The following OR4K1 variants were observed in gnomAD, a reference collection of about 807,000 sequenced individuals.
OR4K1 encodes olfactory receptor 4K1.
Under a neutral mutation model 14.4 loss-of-function variants are expected in OR4K1, and 16 were observed. That is an observed-to-expected ratio of 1.11 (90% CI 0.75 to 1.68). The LOEUF is 1.68. Among genes scored for constraint, OR4K1 ranks in the 40% most tolerant of loss-of-function variants. OR4K1 has a pLI of 0.00. For missense variants in OR4K1, 548 were observed against 376.9 expected (o/e 1.45, Z -3.76); for synonymous variants, 181 against 133.1 (o/e 1.36, Z -2.48).
chr14:19,935,674 A>G lies in OR4K1; in HGVS notation c.8A>G (p.His3Arg), dbSNP rs1230714753. MA[H>R]TNESMVSEFV... Reference sequence around the variant, plus strand: ...TAACTGAATATTGGATACATGGCTCACACAAATGAATCGATGGTGTCTGAG... The same window carrying G: ...TAACTGAATATTGGATACATGGCTCGCACAAATGAATCGATGGTGTCTGAG... The change falls in exon 2 of 2, where the codon CAC (histidine) becomes CGC (arginine). Residue 3 changes from histidine to arginine, a missense_variant. Physicochemically the swap from His to Arg is conservative, Grantham distance 29 (BLOSUM62 0). Transcript: ENST00000641172. The G allele has an allele frequency of 1.9e-6, 3 of 1,593,752 alleles. No homozygotes were observed. The highest frequency in any genetic ancestry group is 2.6e-6 in the Non-Finnish European group (3 of 1,172,700).
At chr14:19,922,780 T>G in the OR4K1 span, among the ~76,000 whole-genome samples, 24 of 152,340 alleles carry the variant, frequency 1.6e-4, no homozygotes, top group East Asian at 4.6e-3. Context: ...TTTCCTGTGC[T>G]GTCTCCCCTG....
chr14:19,934,975 T>C (rs1882272583), intron 1 of OR4K1, among the ~76,000 whole-genome samples: 1 of 152,230 alleles, frequency 6.6e-6, no homozygotes, highest in Non-Finnish European at 1.5e-5. Context: ...GCCTGGCCGC[T>C]TCTTTTGTTT....
At chr14:19,926,513 C>A (rs1214311024), upstream of OR4K1, among the ~76,000 whole-genome samples, 1 of 152,218 alleles carries the variant, frequency 6.6e-6, no homozygotes, top group Non-Finnish European at 1.5e-5. Context: ...GGTGTTGAGT[C>A]CAATACGCTA....
At chr14:19,935,493 ATAT>A in intron 1 of OR4K1, 152 bp from the exon 2 acceptor site, 1 of 606,620 alleles carries the variant, frequency 1.6e-6, no homozygotes, top group Non-Finnish European at 2.7e-6. Context: ...TGGATGTTAA[ATAT>A]TAGTCAACTG....
upstream of OR4K1, among the ~76,000 whole-genome samples, chr14:19,926,303 A>G (rs1358893553): frequency 3.3e-5 from 5 of 152,208 alleles, no homozygotes; most frequent in African/African-American, 1.2e-4. Flanking sequence ...GAACATTTAT[A>G]GTTTGTTCAG....
chr14:19,934,879 G>A (rs1882269698), intron 1 of OR4K1, among the ~76,000 whole-genome samples: 2 of 152,140 alleles, frequency 1.3e-5, no homozygotes, highest in South Asian at 2.1e-4. Flanking sequence ...CACCATGTTG[G>A]TCAGGCTGAT....
upstream of OR4K1, among the ~76,000 whole-genome samples, chr14:19,926,558 A>G (rs1446693119): frequency 6.6e-6 from 1 of 152,286 alleles, no homozygotes; most frequent in Non-Finnish European, 1.5e-5. Context: ...TACATAAAAT[A>G]CACATTATTT....
upstream of OR4K1, among the ~76,000 whole-genome samples, chr14:19,930,422 G>A (rs2138589439): frequency 6.6e-6 from 1 of 152,282 alleles, no homozygotes; most frequent in South Asian, 2.1e-4. Context: ...AATTTATATA[G>A]GGAATAAATG....
upstream of OR4K1, among the ~76,000 whole-genome samples, chr14:19,927,020 A>C: frequency 6.6e-6 from 1 of 152,246 alleles, no homozygotes; most frequent in East Asian, 1.9e-4. Context: ...TATCAGATTT[A>C]TTAAATCATA....
chr14:19,931,560 T>C (rs558492406), intron 1 of OR4K1, among the ~76,000 whole-genome samples: 2 of 152,378 alleles, frequency 1.3e-5, no homozygotes, highest in South Asian at 2.1e-4. Context: ...GTATATCCTT[T>C]ATTGTTTGCT....
Position 19,935,791 on chromosome 14 carries a change from A to G in OR4K1, c.125A>G (p.Asn42Ser), listed in dbSNP as rs1439985840. The G allele has an allele frequency of 6.2e-7, 1 of 1,614,152 alleles. No homozygotes were observed. Among genetic ancestry groups the G allele is most frequent in the East Asian group, 2.2e-5 (1 of 44,886 alleles). Residue 42 changes from asparagine to serine, a missense_variant, in exon 2 of 2, where the codon AAT becomes AGT. By Grantham distance (46) the Asn-to-Ser change is conservative (BLOSUM62 1). Transcript: ENST00000641172. ...SIVYVTSVLG[N>S]VLIIVIISFD... Reference sequence around the variant, plus strand: ...GTCTATGTGACATCAGTGCTAGGCAATGTCTTAATTATTGTCATTATTTCT... The same window carrying G: ...GTCTATGTGACATCAGTGCTAGGCAGTGTCTTAATTATTGTCATTATTTCT...
chr14:19,922,832 C>G, the OR4K1 span, among the ~76,000 whole-genome samples: 1 of 152,166 alleles, frequency 6.6e-6, no homozygotes, highest in Non-Finnish European at 1.5e-5. Context: ...CCCCATCACT[C>G]TATTTTATTT....
upstream of OR4K1, among the ~76,000 whole-genome samples, chr14:19,930,585 T>C (rs926516394): frequency 1.3e-5 from 2 of 152,134 alleles, no homozygotes; most frequent in Non-Finnish European, 2.9e-5. Flanking sequence ...TGAGGCGAGG[T>C]GATAATTTTT....
chr14:19,932,000 T>A (rs1354723903), intron 1 of OR4K1, among the ~76,000 whole-genome samples: 1 of 152,234 alleles, frequency 6.6e-6, no homozygotes, highest in African/African-American at 2.4e-5. Flanking sequence ...GTCTATACTA[T>A]TGGGTAACTA....
In OR4K1 at chr14:19,936,372, G is replaced by T. The variant is rs771950286; in HGVS notation, c.706G>T (p.Ala236Ser). Reference sequence around the variant, plus strand: ...CAGGTCCTCCAGTGGGTCATCTAAGGCTCTTTCTACATTAACTGCCCACAT... The same window carrying T: ...CAGGTCCTCCAGTGGGTCATCTAAGTCTCTTTCTACATTAACTGCCCACAT... ...RCRSSSGSSKALSTLTAHITV... is the reference protein window; with the variant it reads ...RCRSSSGSSKSLSTLTAHITV... The change falls in exon 2 of 2, where the codon GCT (alanine) becomes TCT (serine). Residue 236 changes from alanine (A) to serine (S), a missense_variant. Physicochemically the swap from Ala to Ser is moderately conservative, Grantham distance 99 (BLOSUM62 1). Coordinates refer to ENST00000641172, the MANE Select transcript of OR4K1 (RefSeq NM_001004063.3). The T allele has an allele frequency of 2.5e-6, 4 of 1,614,068 alleles. No homozygotes were observed. The highest frequency in any genetic ancestry group is 2.7e-5 in the African/African-American group (2 of 74,936).
At chr14:19,933,317 C>T (rs1177070392) in intron 1 of OR4K1, among the ~76,000 whole-genome samples, 1 of 152,110 alleles carries the variant, frequency 6.6e-6, no homozygotes, top group Non-Finnish European at 1.5e-5. Flanking sequence ...CACAATGAGT[C>T]AAATGCTATA....
the OR4K1 span, chr14:19,921,125 A>T: frequency 6.2e-7 from 1 of 1,614,032 alleles, no homozygotes; most frequent in Non-Finnish European, 8.5e-7. Flanking sequence ...GACCTAATGT[A>T]GTAGACAGCT....
At chr14:19,927,072 T>C (rs962917107), upstream of OR4K1, among the ~76,000 whole-genome samples, 1 of 152,256 alleles carries the variant, frequency 6.6e-6, no homozygotes, top group African/African-American at 2.4e-5. Flanking sequence ...ACATTGGAAA[T>C]GGCATGTGTA....
chr14:19,936,569 G>T lies in OR4K1; in HGVS notation c.903G>T (p.Leu301=). ...ATGTTAAAGCAGCCATGTGGAAGCT[G>T]AGAAACCGTCATGTGAACTCCTGGA... ...NEDVKAAMWK[L]RNRHVNSWKN Residue 301 remains leucine (L), a synonymous_variant, in exon 2 of 2, where the codon CTG becomes CTT. Coordinates refer to ENST00000641172, the MANE Select transcript of OR4K1 (RefSeq NM_001004063.3). The T allele has an allele frequency of 6.2e-7, 1 of 1,607,682 alleles. No individual in the cohort carries two copies. The highest frequency in any genetic ancestry group is 8.5e-7 in the Non-Finnish European group (1 of 1,177,784).
Sources: gnomAD v4.1 joint callset for allele counts (sites outside exome capture counted in the v4.1 genomes callset) on GRCh38, gnomAD v4.1.1 for gene constraint, MANE v1.5 for transcripts, NCBI Gene and HGNC (gene_info 2026-07-23, HGNC 2026-07-21) for gene names.